MED12L: variants seen among roughly 807,000 people sequenced by gnomAD.
MED12L encodes mediator complex subunit 12L.
MED12L carries 60 observed loss-of-function variants against 281.3 expected under a neutral mutation model. The observed-to-expected ratio is 0.21, with a 90% CI of 0.17 to 0.26. The LOEUF is 0.26. Among genes scored for constraint, MED12L ranks in the 10% least tolerant of loss-of-function variants. The probability of loss-of-function intolerance (pLI) is 1.00; values close to 1 mark genes in which losing one functional copy is unlikely to be tolerated. For synonymous variants in MED12L, 974 were observed against 987.2 expected, an observed-to-expected ratio of 0.99 and a Z score of 0.25; for missense variants, 2,146 against 2,680.9, an observed-to-expected ratio of 0.80 and a Z score of 4.41.
intron 16 of MED12L, chr3:151,337,842 T>C (rs745898005): frequency 6.2e-7 from 1 of 1,614,080 alleles, no homozygotes; most frequent in East Asian, 2.2e-5. Context: ...TTCATTTGGG[T>C]CACCACCATC....
intron 16 of MED12L, among the ~76,000 whole-genome samples, chr3:151,332,696 G>T (rs769307193): frequency 1.3e-5 from 2 of 152,052 alleles, no homozygotes; most frequent in Non-Finnish European, 2.9e-5. Flanking sequence ...TTATGTATTG[G>T]ATTTTTGTTT....
At chr3:151,155,646 AAAAC>A (rs1719173999) in intron 5 of MED12L, among the ~76,000 whole-genome samples, 1 of 152,242 alleles carries the variant, frequency 6.6e-6, no homozygotes, top group Non-Finnish European at 1.5e-5. Flanking sequence ...AAGACTGACA[AAAAC>A]AAACAAATCT....
rs149626307 is a variant in MED12L at position 151,130,695 on chromosome 3, G to A, written c.556+2711G>A. Among the ~76,000 whole-genome samples the A allele has an allele frequency of 1.1e-3, 170 of 152,298 alleles. 3 individuals carry two copies. The East Asian group carries it at 0.03, about 27-fold the overall frequency. On this transcript the variant is annotated intron_variant, in intron 5 of 44. Transcript: ENST00000687756. ...TCTTCCTTCACCTGTGGGTGCACAT[G>A]GGCCTGCTCCCTTGCTCCACTGTGG...
chr3:151,328,049 G>T, intron 16 of MED12L: 1 of 1,605,462 alleles, frequency 6.2e-7, no homozygotes, highest in Non-Finnish European at 8.5e-7. Context: ...TGATGCTGTG[G>T]TCTTTCTCCC....
intron 9 of MED12L, among the ~76,000 whole-genome samples, chr3:151,165,106 A>G (rs1440843903): frequency 6.6e-6 from 1 of 152,112 alleles, no homozygotes; most frequent in African/African-American, 2.4e-5. Flanking sequence ...GCTTTCACAC[A>G]TGGAAGAATG....
At chr3:151,087,556 C>T (rs1329852175) in intron 2 of MED12L, among the ~76,000 whole-genome samples, 1 of 152,170 alleles carries the variant, frequency 6.6e-6, no homozygotes, top group African/African-American at 2.4e-5. Flanking sequence ...CCTCTGTAAC[C>T]CTTCTGCCCT....
intron 16 of MED12L, among the ~76,000 whole-genome samples, chr3:151,232,204 A>G (rs1731825441): frequency 6.6e-6 from 1 of 151,206 alleles, no homozygotes; most frequent in African/African-American, 2.4e-5. Context: ...CTTTCTATAT[A>G]CTCCTCTATG....
intron 16 of MED12L, among the ~76,000 whole-genome samples, chr3:151,329,167 T>C (rs1231116731): frequency 6.6e-6 from 1 of 152,236 alleles, no homozygotes; most frequent in Non-Finnish European, 1.5e-5. Flanking sequence ...AATACTGTTT[T>C]CTGGCTAGAA....
chr3:151,199,200 G>A, intron 16 of MED12L: 1 of 1,614,062 alleles, frequency 6.2e-7, no homozygotes, highest in Non-Finnish European at 8.5e-7. Flanking sequence ...GCCAGAGTAA[G>A]CAGGAAATCG....
intron 16 of MED12L, chr3:151,338,041 C>A: frequency 6.2e-7 from 1 of 1,614,036 alleles, no homozygotes; most frequent in African/African-American, 1.3e-5. Context: ...GCAGTGCAGT[C>A]AAAGACATCC....
At chr3:151,413,104 T>C (rs980544095) in intron 41 of MED12L, 35 bp from the exon 42 acceptor site, 3 of 1,592,632 alleles carry the variant, frequency 1.9e-6, no homozygotes, top group African/African-American at 2.7e-5. Flanking sequence ...GACATTATGC[T>C]TGGGCCTGAA....
At chr3:151,266,663 A>T (rs1336667088) in intron 16 of MED12L, among the ~76,000 whole-genome samples, 2 of 152,214 alleles carry the variant, frequency 1.3e-5, no homozygotes, top group Non-Finnish European at 2.9e-5. Context: ...AGCAAGTGAT[A>T]TGAACATATC....
chr3:151,180,166 T>C (rs1722547316), intron 11 of MED12L, among the ~76,000 whole-genome samples: 1 of 152,232 alleles, frequency 6.6e-6, no homozygotes, highest in Admixed American at 6.5e-5. Context: ...AGCTCAGTCT[T>C]TTCAGCAGCA....
intron 35 of MED12L, 41 bp downstream of exon 35, chr3:151,384,259 T>C (rs921222933): frequency 5.2e-6 from 8 of 1,550,672 alleles, no homozygotes; most frequent in South Asian, 1.2e-5. Flanking sequence ...TCAAGTTGTT[T>C]ATGGATTTAT....
chr3:151,228,764 C>T (rs1342206655), intron 16 of MED12L, among the ~76,000 whole-genome samples: 2 of 152,312 alleles, frequency 1.3e-5, no homozygotes, highest in African/African-American at 2.4e-5. Flanking sequence ...CTCCTGGCTT[C>T]AGGGTTTTGG....
intron 16 of MED12L, among the ~76,000 whole-genome samples, chr3:151,260,565 G>A (rs1002064331): frequency 2.6e-5 from 4 of 151,966 alleles, no homozygotes; most frequent in African/African-American, 7.3e-5. Flanking sequence ...TGCCGTGGTC[G>A]GTCTCGAACT....
intron 16 of MED12L, among the ~76,000 whole-genome samples, chr3:151,303,927 A>G (rs1746288028): frequency 6.6e-6 from 1 of 152,176 alleles, no homozygotes; most frequent in Admixed American, 6.5e-5. Flanking sequence ...TGTCATGTGA[A>G]CCAAAAAGAG....
intron 16 of MED12L, among the ~76,000 whole-genome samples, chr3:151,313,019 A>G (rs1458479614): frequency 1.3e-5 from 2 of 152,242 alleles, no homozygotes; most frequent in African/African-American, 4.8e-5. Flanking sequence ...TACTTGGAAT[A>G]CAATATACTT....
chr3:151,292,385 C>T (rs1744375807), intron 16 of MED12L, among the ~76,000 whole-genome samples: 1 of 150,160 alleles, frequency 6.7e-6, no homozygotes, highest in Non-Finnish European at 1.5e-5. Context: ...ATCTGGAGTT[C>T]AAAAGATTCT....
Sources: gnomAD v4.1 joint callset for allele counts (sites outside exome capture counted in the v4.1 genomes callset) on GRCh38, gnomAD v4.1.1 for gene constraint, MANE v1.5 for transcripts, NCBI Gene and HGNC (gene_info 2026-07-23, HGNC 2026-07-21) for gene names.